The following SOX6 variants were observed in gnomAD, a reference collection of about 807,000 sequenced individuals.
The protein encoded by SOX6 is SRY-box transcription factor 6, also known as transcription factor SOX-6.
Under a neutral mutation model 97.8 loss-of-function variants are expected in SOX6, and 11 were observed. The ratio of observed to expected loss-of-function variants is 0.11; its 90% CI spans 0.07 to 0.19. SOX6 has a LOEUF of 0.19. SOX6 is among the 10% of genes least tolerant of loss of function. The pLI, the probability that SOX6 is intolerant of heterozygous loss-of-function variation, is 1.00. For synonymous variants in SOX6, 360 were observed against 371.4 expected, an observed-to-expected ratio of 0.97 and a Z score of 0.35; for missense variants, 810 against 1,039.5, an observed-to-expected ratio of 0.78 and a Z score of 3.04.
chr11:16,403,068 C>T (rs928494544), intron 1 of SOX6, among the ~76,000 whole-genome samples: 2 of 151,612 alleles, frequency 1.3e-5, no homozygotes, highest in Non-Finnish European at 3.0e-5. Context: ...ATCAAGTATG[C>T]TACCTTTTAA....
At chr11:16,620,846 C>CT (rs1387024644) in intron 3 of SOX6, among the ~76,000 whole-genome samples, 5 of 152,012 alleles carry the variant, frequency 3.3e-5, no homozygotes, top group African/African-American at 1.2e-4. Context: ...ATTCATTAAC[C>CT]TTTTTTGCCA....
intron 3 of SOX6, among the ~76,000 whole-genome samples, chr11:16,287,122 T>C (rs12800659): frequency 0.17 from 25,732 of 152,036 alleles, 2,655 homozygotes; most frequent in Admixed American, 0.29. Flanking sequence ...AATGTAAAAT[T>C]GTTGTTCTGA....
intron 1 of SOX6, among the ~76,000 whole-genome samples, chr11:16,387,344 TGTAAG>T (rs1481130163): frequency 6.6e-6 from 1 of 151,948 alleles, no homozygotes; most frequent in African/African-American, 2.4e-5. Flanking sequence ...AAAATAAAAA[TGTAAG>T]GTGACTGCAA....
chr11:16,269,218 A>G (rs554788782), intron 3 of SOX6, among the ~76,000 whole-genome samples: 6 of 149,828 alleles, frequency 4.0e-5, no homozygotes, highest in African/African-American at 7.3e-5. Context: ...TTCATTATAT[A>G]CTAAACTTCC....
chr11:16,529,219 T>A (rs1861207592), intron 4 of SOX6, among the ~76,000 whole-genome samples: 1 of 152,078 alleles, frequency 6.6e-6, no homozygotes, highest in Admixed American at 6.6e-5. Flanking sequence ...AGCAGAAAAT[T>A]GTCTAACCAT....
At chr11:16,154,959 C>T (rs534175257) in intron 6 of SOX6, among the ~76,000 whole-genome samples, 7 of 151,952 alleles carry the variant, frequency 4.6e-5, no homozygotes, top group East Asian at 1.9e-4. Context: ...GGTAAATTTC[C>T]GGTTTTAAGA....
chr11:16,190,563 C>T (rs931197669), intron 4 of SOX6, among the ~76,000 whole-genome samples: 1 of 152,020 alleles, frequency 6.6e-6, no homozygotes, highest in Non-Finnish European at 1.5e-5. Flanking sequence ...AAATACCAGG[C>T]CATTTTACAT....
intron 9 of SOX6, among the ~76,000 whole-genome samples, chr11:16,057,734 A>ATTC (rs932825078): frequency 2.6e-5 from 4 of 152,162 alleles, no homozygotes; most frequent in Non-Finnish European, 4.4e-5. Context: ...AGGAACTAAT[A>ATTC]TTCTTCTCAC....
chr11:16,264,898 C>T (rs1157517950), intron 3 of SOX6: 1 of 147,226 alleles, frequency 6.8e-6, no homozygotes, highest in Non-Finnish European at 1.5e-5. Context: ...AATAAGGTTT[C>T]AAGATTGCTC....
intron 2 of SOX6, among the ~76,000 whole-genome samples, chr11:16,320,288 A>G (rs1371053727): frequency 1.3e-5 from 2 of 152,132 alleles, no homozygotes; most frequent in African/African-American, 4.8e-5. Context: ...AAGGAAGCCC[A>G]GTAAGAATCA....
intron 3 of SOX6, among the ~76,000 whole-genome samples, chr11:16,624,840 A>G (rs533922032): frequency 2.0e-5 from 3 of 152,194 alleles, no homozygotes; most frequent in Admixed American, 2.0e-4. Context: ...ATTCTAGAGG[A>G]TGTGTTTTAG....
At position 16,639,059 on chromosome 11, in the gene SOX6, C is replaced by T. The variant is rs1338940439; in HGVS notation, n.430-26799G>A. On this transcript the variant is annotated intron_variant and non_coding_transcript_variant, in intron 3 of 5. Coordinates refer to the SOX6 transcript ENST00000524520. ...AGGGTTTTTATGGTTTTAGGTCTAA[C>T]ATTTAAGTCTTTAATCCATCTTAAT... is the stretch of plus-strand genomic sequence containing the variant. Among the ~76,000 whole-genome samples the T allele has an allele frequency of 1.8e-4, 27 of 152,318 alleles. No individual in the cohort carries two copies. The South Asian group carries it at 3.9e-3, about 22-fold the overall frequency.
At chr11:16,349,708 GGAAGGAA>G (rs757048677) in intron 1 of SOX6, among the ~76,000 whole-genome samples, 4,659 of 43,174 alleles carry the variant, frequency 0.11, 92 homozygotes, top group South Asian at 0.24. Flanking sequence ...AAGGAAGGAA[GGAAGGAA>G]GAAGGAAGGA....
At chr11:16,449,879 C>T (rs948418353) in intron 1 of SOX6, among the ~76,000 whole-genome samples, 1 of 152,088 alleles carries the variant, frequency 6.6e-6, no homozygotes, top group East Asian at 1.9e-4. Context: ...CAGAATAATG[C>T]TATGAAAGTT....
At chr11:16,594,836 C>A (rs889337096) in intron 4 of SOX6, among the ~76,000 whole-genome samples, 9 of 151,428 alleles carry the variant, frequency 5.9e-5, no homozygotes, top group Non-Finnish European at 1.3e-4. Context: ...GACTACAGGC[C>A]CCCGCCACCA....
At chr11:15,986,176 C>T (rs753030545) in intron 15 of SOX6, 28 bp downstream of exon 15, 3 of 1,602,266 alleles carry the variant, frequency 1.9e-6, no homozygotes, top group Non-Finnish European at 2.6e-6. Context: ...AAAGTAAAGC[C>T]CAGGTGGCTA....
At chr11:16,201,660 G>A (rs1206272599) in intron 4 of SOX6, among the ~76,000 whole-genome samples, 6 of 119,072 alleles carry the variant, frequency 5.0e-5, no homozygotes, top group Non-Finnish European at 9.5e-5. Flanking sequence ...TTGAGACGGA[G>A]TCTCGCTCTG....
intron 4 of SOX6, among the ~76,000 whole-genome samples, chr11:16,205,215 T>C (rs944249031): frequency 2.6e-5 from 4 of 152,160 alleles, no homozygotes; most frequent in South Asian, 4.1e-4. Flanking sequence ...AGTTTTCATA[T>C]GTGCTAGTTA....
rs140865767 is a variant in SOX6 at position 16,504,157 on chromosome 11, A to G, written n.610-27769T>C. On this transcript the variant is annotated intron_variant and non_coding_transcript_variant, in intron 4 of 5. Transcript: ENST00000524520. ...ATATAAAGCAAATATGAATAGATCTATAGGACTTTCCTCTAATAACTAGAA... is the reference window on the plus strand; with the variant it reads ...ATATAAAGCAAATATGAATAGATCTGTAGGACTTTCCTCTAATAACTAGAA... 1.1e-3 allele frequency among the ~76,000 whole-genome samples: 169 copies of G among 152,162 alleles called. 1 individual carries two copies. Among genetic ancestry groups the G allele is most frequent in the African/African-American group, 3.9e-3 (161 of 41,542 alleles).
Sources: allele counts gnomAD v4.1 joint callset (sites outside exome capture counted in the v4.1 genomes callset), GRCh38; gene constraint gnomAD v4.1.1; transcripts MANE v1.5; gene names NCBI Gene and HGNC (gene_info 2026-07-23, HGNC 2026-07-21).